The following SACM1L variants were observed in gnomAD, a reference collection of about 807,000 sequenced individuals.
The protein encoded by SACM1L is phosphatidylinositol-3-phosphatase SAC1.
A neutral mutation model predicts 89.5 loss-of-function variants in SACM1L; 32 were observed. The observed-to-expected ratio is 0.36, with a 90% CI of 0.27 to 0.48. The LOEUF (loss-of-function observed/expected upper bound fraction) is 0.48, where lower values mean the gene tolerates loss of function less well. SACM1L is among the 20% of genes least tolerant of loss of function. SACM1L has a pLI of 0.99. For synonymous variants in SACM1L, 213 were observed against 232.8 expected (o/e 0.92, Z 0.77); for missense variants, 543 against 708.5 (o/e 0.77, Z 2.65).
At position 45,705,100 on chromosome 3, in the gene SACM1L, G is replaced by T. The variant is rs769570958; in HGVS notation, c.131-35G>T. 5 of 1,401,174 alleles carry T rather than the reference G, an allele frequency of 3.6e-6. No homozygotes were observed. In the Admixed American group the frequency reaches 9.3e-5, roughly 26 times the overall value. The allele number at this position is 1,401,174 out of a possible 1,614,324, so 86.8% of individuals were successfully genotyped here. On this transcript the variant is annotated intron_variant, in intron 2 of 19. Transcript: ENST00000389061. ...TTCTGTTTCTGTTGGTGAGCTTTTT[G>T]TATGTGATTTTTCTTTCTTTCCTTT...
At chr3:45,717,461 G>T (rs182257495) in intron 7 of SACM1L, among the ~76,000 whole-genome samples, 15 of 152,320 alleles carry the variant, frequency 9.8e-5, no homozygotes, top group Admixed American at 9.8e-4. Context: ...CCTGAGAATA[G>T]TTACTTCTAG....
intron 11 of SACM1L, among the ~76,000 whole-genome samples, chr3:45,725,929 A>G (rs941074061): frequency 6.6e-6 from 1 of 152,066 alleles, no homozygotes; most frequent in Non-Finnish European, 1.5e-5. Flanking sequence ...AATTTTGTCA[A>G]ATACTTTTCT....
chr3:45,691,003 TATG>T (rs1945441799), intron 1 of SACM1L, among the ~76,000 whole-genome samples: 1 of 152,220 alleles, frequency 6.6e-6, no homozygotes. Context: ...ACTTGAGAAT[TATG>T]ATGATTGTTT....
intron 14 of SACM1L, among the ~76,000 whole-genome samples, chr3:45,736,680 T>C (rs193025909): frequency 1.3e-5 from 2 of 152,332 alleles, no homozygotes; most frequent in East Asian, 3.9e-4. Flanking sequence ...GTTCCATGGC[T>C]GATTAACCAA....
chr3:45,707,169 G>T (rs2125688357), intron 4 of SACM1L: 1 of 284,762 alleles, frequency 3.5e-6, no homozygotes, highest in South Asian at 5.6e-5. Flanking sequence ...GAAATGCACG[G>T]GTACTCAACA....
intron 1 of SACM1L, among the ~76,000 whole-genome samples, chr3:45,690,779 CTCG>C (rs1321213485): frequency 6.6e-6 from 1 of 152,186 alleles, no homozygotes; most frequent in Non-Finnish European, 1.5e-5. Flanking sequence ...AAGTGCTCAC[CTCG>C]TCTTTGGTGA....
chr3:45,731,921 A>C (rs529532777), intron 12 of SACM1L, 132 bp from the exon 13 acceptor site: 1 of 582,356 alleles, frequency 1.7e-6, no homozygotes, highest in South Asian at 2.4e-5. Context: ...ACCCAGAGTG[A>C]AGGAGGTTCT....
intron 14 of SACM1L, chr3:45,737,229 A>C: frequency 4.2e-6 from 1 of 236,382 alleles, no homozygotes; most frequent in Non-Finnish European, 8.1e-6. Flanking sequence ...AGGGGGTCTC[A>C]AGGGGTAGAG....
intron 1 of SACM1L, among the ~76,000 whole-genome samples, chr3:45,693,914 C>G (rs1214073056): frequency 1.3e-5 from 2 of 152,156 alleles, no homozygotes; most frequent in Admixed American, 6.5e-5. Context: ...TGGATAATGT[C>G]AGACAGTGAT....
intron 13 of SACM1L, chr3:45,734,537 A>G (rs182404356): frequency 6.6e-6 from 1 of 151,994 alleles, no homozygotes. Flanking sequence ...GTTCACTGCA[A>G]CCTTTAACCC....
At chr3:45,689,791 C>T (rs1697924965) in intron 1 of SACM1L, 2 of 565,802 alleles carry the variant, frequency 3.5e-6, no homozygotes, top group Admixed American at 3.1e-5. Context: ...TGATGCGGCC[C>T]TTCAGGGCAC....
rs762491083 is a variant in SACM1L at position 45,719,632 on chromosome 3, GTAAT to G, written c.679+36_679+39del. The G allele has an allele frequency of 1.1e-5, 14 of 1,261,324 alleles. No individual in the cohort carries two copies. The African/African-American group carries it at 1.5e-4, about 13-fold the overall frequency. 78.1% of individuals were successfully genotyped at this position (1,261,324 alleles called of 1,614,324 possible). ...AATTTTGTCAGCATGGGTCATATCT[GTAAT>G]TAATATTTTGTCTTACGGTGACACG... On this transcript the variant is annotated intron_variant, in intron 8 of 19. Coordinates refer to ENST00000389061, the MANE Select transcript of SACM1L (RefSeq NM_014016.5).
chr3:45,701,307 C>T (rs1392726922), intron 1 of SACM1L, among the ~76,000 whole-genome samples: 1 of 152,050 alleles, frequency 6.6e-6, no homozygotes. Flanking sequence ...ATCTCAATTC[C>T]GTGCCTACCA....
chr3:45,737,761 T>G lies in SACM1L; in HGVS notation c.1310-11T>G, dbSNP rs1053580633. On this transcript the variant is annotated splice_polypyrimidine_tract_variant and intron_variant, in intron 15 of 19. Coordinates refer to ENST00000389061, the MANE Select transcript of SACM1L (RefSeq NM_014016.5). Reference sequence around the variant, plus strand: ...TTAATAATTATCAGCTGTTTTTACTTTTTTCTACAGCCTGGGCTGACAACG... The same window carrying G: ...TTAATAATTATCAGCTGTTTTTACTGTTTTCTACAGCCTGGGCTGACAACG... The G allele has an allele frequency of 4.4e-6, 7 of 1,608,694 alleles. No individual in the cohort carries two copies. Among genetic ancestry groups the G allele is most frequent in the Non-Finnish European group, 5.9e-6 (7 of 1,178,212 alleles).
At chr3:45,689,677 G>A in intron 1 of SACM1L, 180 bp downstream of exon 1, 1 of 707,428 alleles carries the variant, frequency 1.4e-6, no homozygotes, top group Non-Finnish European at 2.3e-6. Context: ...CCATAGGCCG[G>A]GAACCAGCGG....
intron 1 of SACM1L, among the ~76,000 whole-genome samples, chr3:45,699,632 A>G (rs1316713825): frequency 1.3e-5 from 2 of 152,062 alleles, no homozygotes; most frequent in African/African-American, 2.4e-5. Flanking sequence ...GGTTCAGGCA[A>G]TTCTCCTGCC....
intron 19 of SACM1L, 52 bp from the exon 20 acceptor site, chr3:45,743,481 G>A: frequency 2.4e-6 from 1 of 423,622 alleles, no homozygotes; most frequent in South Asian, 2.9e-5. Flanking sequence ...TGAAAACTGG[G>A]TCTGATATCA....
chr3:45,689,560 C>G, intron 1 of SACM1L, 63 bp downstream of exon 1: 5 of 1,523,798 alleles, frequency 3.3e-6, no homozygotes, highest in Non-Finnish European at 3.5e-6. Flanking sequence ...GGGCCCTGGC[C>G]TCGGGGAGGG....
At position 45,696,137 on chromosome 3, in the gene SACM1L, T is replaced by G. The variant is rs544596562; in HGVS notation, c.32+6640T>G. Among the ~76,000 whole-genome samples the G allele has an allele frequency of 8.6e-5, 13 of 151,974 alleles. No homozygotes were observed. In the South Asian group the frequency reaches 2.7e-3, roughly 32 times the overall value. On this transcript the variant is annotated intron_variant, in intron 1 of 19. Coordinates refer to ENST00000389061, the MANE Select transcript of SACM1L (RefSeq NM_014016.5). ...CTTAGCCTCCTAAGTAGCTGGGATT[T>G]CAGGTGCCTGCCACCACGCCCAGCT...
Sources: allele counts gnomAD v4.1 joint callset (sites outside exome capture counted in the v4.1 genomes callset), GRCh38; gene constraint gnomAD v4.1.1; transcripts MANE v1.5; gene names NCBI Gene and HGNC (gene_info 2026-07-23, HGNC 2026-07-21).